The following TVP23A variants were observed in gnomAD, a reference collection of about 807,000 sequenced individuals.
TVP23A encodes Golgi apparatus membrane protein TVP23 homolog A.
In TVP23A, 21 loss-of-function variants were observed where a neutral mutation model predicts 31.7. That is an observed-to-expected ratio of 0.66 (90% CI 0.47 to 0.95). The LOEUF is 0.95. Ranked by LOEUF, TVP23A falls within the 40% of genes least tolerant of loss-of-function variation. The pLI is 0.00. For missense variants in TVP23A, 279 were observed against 255.6 expected (o/e 1.09, Z -0.62); for synonymous variants, 104 against 96.0 (o/e 1.08, Z -0.49).
intron 2 of TVP23A, among the ~76,000 whole-genome samples, chr16:10,802,266 GTGTGTGTGTGTGTGTGTGTA>G (rs1350419228): frequency 2.9e-5 from 4 of 139,642 alleles, no homozygotes; most frequent in East Asian, 4.1e-4. Context: ...GTGTGTGTGT[GTGTGTGTGTGTGTGTGTGTA>G]TATGTGTGTG....
intron 2 of TVP23A, among the ~76,000 whole-genome samples, chr16:10,798,150 C>G (rs1042308950): frequency 2.6e-5 from 4 of 151,228 alleles, no homozygotes; most frequent in Admixed American, 2.0e-4. Context: ...TTAGTAGAGA[C>G]GGGTTTCACC....
At chr16:10,778,732 G>A (rs1055295912) in intron 2 of TVP23A, among the ~76,000 whole-genome samples, 5 of 151,980 alleles carry the variant, frequency 3.3e-5, no homozygotes, top group African/African-American at 9.7e-5. Flanking sequence ...TTGGGAGGCT[G>A]AGGCGGCTGG....
chr16:10,791,895 G>A (rs890708268), intron 2 of TVP23A, among the ~76,000 whole-genome samples: 1 of 152,236 alleles, frequency 6.6e-6, no homozygotes, highest in Non-Finnish European at 1.5e-5. Context: ...GATTACAGGT[G>A]TGAGCATCTT....
chr16:10,782,839 A>C (rs1213733056), intron 2 of TVP23A, among the ~76,000 whole-genome samples: 3 of 151,892 alleles, frequency 2.0e-5, no homozygotes, highest in African/African-American at 7.3e-5. Context: ...AGTCACACCC[A>C]CTCATTCGCT....
chr16:10,769,858 G>C (rs775841532), intron 7 of TVP23A, among the ~76,000 whole-genome samples: 3 of 152,140 alleles, frequency 2.0e-5, no homozygotes, highest in Non-Finnish European at 4.4e-5. Context: ...TGCTCTGTTT[G>C]AGACACACAG....
At chr16:10,774,464 G>T (rs555743807) in intron 3 of TVP23A, among the ~76,000 whole-genome samples, 1 of 152,068 alleles carries the variant, frequency 6.6e-6, no homozygotes, top group South Asian at 2.1e-4. Context: ...TAATTCCCAC[G>T]TGTTGTGGGG....
At chr16:10,758,126 T>G, downstream of TVP23A, 2 of 1,382,700 alleles carry the variant, frequency 1.4e-6, no homozygotes, top group Admixed American at 2.0e-5. Context: ...CCAAGGCTCT[T>G]CCCAGTGTGT....
At chr16:10,780,982 G>A (rs1379353340) in intron 2 of TVP23A, among the ~76,000 whole-genome samples, 1 of 152,048 alleles carries the variant, frequency 6.6e-6, no homozygotes, top group Non-Finnish European at 1.5e-5. Flanking sequence ...ACTTGAACAG[G>A]TGCTATTTCC....
At chr16:10,762,568 T>C (rs1171600470), downstream of TVP23A, among the ~76,000 whole-genome samples, 2 of 152,010 alleles carry the variant, frequency 1.3e-5, no homozygotes, top group African/African-American at 4.8e-5. Context: ...CGGGCCTCCG[T>C]TACTGGGGCC....
chr16:10,785,319 G>A (rs1477473142), intron 2 of TVP23A, among the ~76,000 whole-genome samples: 2 of 150,326 alleles, frequency 1.3e-5, no homozygotes, highest in East Asian at 2.0e-4. Context: ...CACGAGAATC[G>A]CTTGAACTGG....
intron 2 of TVP23A, among the ~76,000 whole-genome samples, chr16:10,814,004 A>C (rs1198525538): frequency 8.7e-6 from 1 of 114,906 alleles, no homozygotes; most frequent in East Asian, 2.8e-4. Flanking sequence ...CATCTCAAAA[A>C]AAAAAAAAAA....
chr16:10,813,639 C>G (rs1285477297), intron 2 of TVP23A, among the ~76,000 whole-genome samples: 1 of 152,050 alleles, frequency 6.6e-6, no homozygotes, highest in East Asian at 1.9e-4. Context: ...AAACAACACA[C>G]ATATGAAACT....
chr16:10,767,078 C>G lies in TVP23A; in HGVS notation c.*2024G>C. The G allele has an allele frequency of 2.5e-6, 1 of 398,750 alleles. No homozygotes were observed. The highest frequency in any genetic ancestry group is 3.6e-5 in the East Asian group (1 of 28,084). The allele number at this position is 398,750 out of a possible 1,614,324, so 24.7% of individuals were successfully genotyped here. Reference sequence around the variant, plus strand: ...AAATGATGAGTGCTAGGTAGGAACCCCTCCTGGGGTTCACCTGAGGCTGGT... The same window carrying G: ...AAATGATGAGTGCTAGGTAGGAACCGCTCCTGGGGTTCACCTGAGGCTGGT... On this transcript the variant is annotated 3_prime_UTR_variant, in exon 8 of 8. Coordinates refer to ENST00000299866, the MANE Select transcript of TVP23A (RefSeq NM_001079512.4). The surrounding 1 kb of genome is among the most constrained non-coding windows in gnomAD (Gnocchi z 4.6).
chr16:10,797,303 CG>C (rs2033443037), intron 2 of TVP23A, among the ~76,000 whole-genome samples: 1 of 151,706 alleles, frequency 6.6e-6, no homozygotes, highest in Admixed American at 6.6e-5. Flanking sequence ...GAGGCCGAGA[CG>C]GGCGGATCAC....
intron 2 of TVP23A, among the ~76,000 whole-genome samples, chr16:10,781,328 CAAAAAAA>C: frequency 9.8e-6 from 1 of 102,382 alleles, no homozygotes; most frequent in South Asian, 3.1e-4. Context: ...GACTCCATCT[CAAAAAAA>C]AAAAAAGAAA....
At chr16:10,801,763 G>A (rs1042476437) in intron 2 of TVP23A, among the ~76,000 whole-genome samples, 5 of 152,066 alleles carry the variant, frequency 3.3e-5, no homozygotes, top group African/African-American at 1.2e-4. Flanking sequence ...ATTGAATCTC[G>A]AACTGAGAGA....
Position 10,779,886 on chromosome 16 carries a change from C to T in TVP23A, c.90-4790G>A, listed in dbSNP as rs575580126. Among the ~76,000 whole-genome samples, 2 of 152,102 alleles carry T rather than the reference C, an allele frequency of 1.3e-5. No homozygotes were observed. Among genetic ancestry groups the T allele is most frequent in the Non-Finnish European group, 2.9e-5 (2 of 68,012 alleles). On this transcript the variant is annotated intron_variant, in intron 2 of 7. Transcript: ENST00000299866. The surrounding 1 kb of genome is among the most constrained non-coding windows in gnomAD (Gnocchi z 4.9). ...GGCAGATCACTTGAGCTCAGGAGTTCGAGACCAGCCTGGCCAACATGGCAA... is the reference window on the plus strand; with the variant it reads ...GGCAGATCACTTGAGCTCAGGAGTTTGAGACCAGCCTGGCCAACATGGCAA...
downstream of TVP23A, among the ~76,000 whole-genome samples, chr16:10,764,467 G>GCTGGAGTATGTCAGTCTA (rs2030540690): frequency 6.6e-6 from 1 of 150,900 alleles, no homozygotes; most frequent in African/African-American, 2.4e-5. Context: ...ATCTCAGTCT[G>GCTGGAGTATGTCAGTCTA]CTGGAGTATG....
At chr16:10,771,436 G>A (rs1419750198) in intron 6 of TVP23A, among the ~76,000 whole-genome samples, 1 of 152,168 alleles carries the variant, frequency 6.6e-6, no homozygotes, top group Non-Finnish European at 1.5e-5. Context: ...GCCAGAGGCT[G>A]AGGTGGGAGG....
Sources: allele counts gnomAD v4.1 joint callset (sites outside exome capture counted in the v4.1 genomes callset), GRCh38; gene constraint gnomAD v4.1.1; non-coding constraint Gnocchi (gnomAD v3.1); transcripts MANE v1.5; gene names NCBI Gene and HGNC (gene_info 2026-07-23, HGNC 2026-07-21).